FGF18: variants seen among roughly 807,000 people sequenced by gnomAD.
FGF18 encodes fibroblast growth factor 18.
In FGF18, 5 loss-of-function variants were observed where a neutral mutation model predicts 23.0. The observed-to-expected ratio is 0.22, with a 90% confidence interval of 0.11 to 0.46. FGF18 has a LOEUF of 0.46. FGF18 is among the 20% of genes least tolerant of loss of function. The pLI is 0.99. For synonymous variants in FGF18, 117 were observed against 118.9 expected (o/e 0.98, Z 0.10); for missense variants, 180 against 291.6 (o/e 0.62, Z 2.79).
At chr5:171,449,668 C>G (rs1389364721) in intron 4 of FGF18, among the ~76,000 whole-genome samples, 2 of 152,118 alleles carry the variant, frequency 1.3e-5, no homozygotes, top group Non-Finnish European at 2.9e-5. Flanking sequence ...CTGCATCGAT[C>G]GTTTTAACAA....
At position 171,451,505 on chromosome 5, in the gene FGF18, C is replaced by T. The variant is rs879670389; in HGVS notation, c.357+2252C>T. Among the ~76,000 whole-genome samples the T allele has an allele frequency of 6.6e-6, 1 of 152,224 alleles. No individual in the cohort carries two copies. Among genetic ancestry groups the T allele is most frequent in the Non-Finnish European group, 1.5e-5 (1 of 68,030 alleles). On this transcript the variant is annotated intron_variant, in intron 4 of 4. Coordinates refer to ENST00000274625, the MANE Select transcript of FGF18 (RefSeq NM_003862.3). The surrounding 1 kb of genome is among the most constrained non-coding windows in gnomAD (Gnocchi z 4.5). Reference sequence around the variant, plus strand: ...ACCCCTGCCACCGCCTCTGTTCTGGCCTCCTACCATCCCGGAAATCGTTGC... The same window carrying T: ...ACCCCTGCCACCGCCTCTGTTCTGGTCTCCTACCATCCCGGAAATCGTTGC...
chr5:171,427,695 C>T (rs1772116605), intron 2 of FGF18, among the ~76,000 whole-genome samples: 1 of 152,238 alleles, frequency 6.6e-6, no homozygotes, highest in South Asian at 2.1e-4. Context: ...TTGCTGCATA[C>T]CTGGCCCTGG....
intron 2 of FGF18, among the ~76,000 whole-genome samples, chr5:171,433,782 T>C (rs565641920): frequency 9.8e-5 from 15 of 152,334 alleles, no homozygotes; most frequent in Non-Finnish European, 1.9e-4. Flanking sequence ...AGCGTTCTCA[T>C]GGTGCAAGGT....
In FGF18 at chr5:171,420,452, G is replaced by A. The variant is rs1280036979; in HGVS notation, c.69+9G>A. On this transcript the variant is annotated intron_variant, in intron 2 of 4. Transcript: ENST00000274625. ...TGTGCTTCCAGGTACAGGTACGTGG[G>A]CTCCTGACTTTGACCTCCTCCCGCC... 6.2e-7 allele frequency: 1 copy of A among 1,612,346 alleles called. No individual in the cohort carries two copies. Among genetic ancestry groups the A allele is most frequent in the Non-Finnish European group, 8.5e-7 (1 of 1,179,092 alleles).
chr5:171,439,016 C>T (rs1468345706), intron 3 of FGF18, among the ~76,000 whole-genome samples: 1 of 152,118 alleles, frequency 6.6e-6, no homozygotes, highest in Non-Finnish European at 1.5e-5. Context: ...CATGCAGTCT[C>T]AGAGTCTCAG....
At chr5:171,421,294 G>T (rs539812611) in intron 2 of FGF18, among the ~76,000 whole-genome samples, 4 of 152,156 alleles carry the variant, frequency 2.6e-5, no homozygotes. Context: ...CTTCAGCCCC[G>T]ATTAGAACCA....
Position 171,451,016 on chromosome 5 carries a change from CG to C in FGF18, c.357+1768del, listed in dbSNP as rs980254091. Among the ~76,000 whole-genome samples the C allele has an allele frequency of 3.3e-5, 5 of 152,048 alleles. No homozygotes were observed. The highest frequency in any genetic ancestry group is 1.2e-4 in the African/African-American group (5 of 41,438). On this transcript the variant is annotated intron_variant, in intron 4 of 4. Transcript: ENST00000274625. The surrounding 1 kb of genome is among the most constrained non-coding windows in gnomAD (Gnocchi z 4.5). ...GCATCTTGACCCCAGGAGGGCTGCG[CG>C]GGGGTCAAAAGAGCAGCCCCGTCCC...
At chr5:171,425,509 C>T (rs1287760099) in intron 2 of FGF18, among the ~76,000 whole-genome samples, 1 of 149,700 alleles carries the variant, frequency 6.7e-6, no homozygotes, top group Non-Finnish European at 1.5e-5. Flanking sequence ...GCATGAGCCA[C>T]TGCACCTGGC....
chr5:171,445,187 G>C (rs942572718), intron 3 of FGF18, among the ~76,000 whole-genome samples: 9 of 152,260 alleles, frequency 5.9e-5, no homozygotes, highest in African/African-American at 2.2e-4. Context: ...TGTGGTGGGA[G>C]CGTGCTTGGT....
intron 2 of FGF18, among the ~76,000 whole-genome samples, chr5:171,424,100 C>T (rs1325605944): frequency 1.3e-5 from 2 of 152,268 alleles, no homozygotes; most frequent in Admixed American, 1.3e-4. Flanking sequence ...CATCCATCCA[C>T]AGTCAGGTAT....
chr5:171,437,146 G>A (rs2113345559), intron 3 of FGF18, among the ~76,000 whole-genome samples: 1 of 152,330 alleles, frequency 6.6e-6, no homozygotes, highest in South Asian at 2.1e-4. Context: ...CCCCAGCCTT[G>A]GGCCTGGGGA....
chr5:171,433,673 C>T (rs1482522721), intron 2 of FGF18, among the ~76,000 whole-genome samples: 1 of 152,162 alleles, frequency 6.6e-6, no homozygotes, highest in Non-Finnish European at 1.5e-5. Flanking sequence ...ACATGGTGGG[C>T]CAGCAGGCCA....
At chr5:171,455,296 G>A (rs1772566126) in intron 4 of FGF18, among the ~76,000 whole-genome samples, 1 of 152,118 alleles carries the variant, frequency 6.6e-6, no homozygotes, top group East Asian at 1.9e-4. Context: ...TCTTATTTTT[G>A]GAGGCCCCAC....
At position 171,420,045 on chromosome 5, in the gene FGF18, G is replaced by A. The variant is rs1771977157; in HGVS notation, c.-155G>A. ...CGCAGGGCGCGCCGCGGAGCGCCCC[G>A]GAGCAGCAGAGTCTGCAGCAGCAGC... On this transcript the variant is annotated 5_prime_UTR_variant, in exon 1 of 5. Coordinates refer to ENST00000274625, the MANE Select transcript of FGF18 (RefSeq NM_003862.3). 2.2e-6 allele frequency: 1 copy of A among 453,400 alleles called. No individual in the cohort carries two copies. The highest frequency in any genetic ancestry group is 2.1e-5 in the African/African-American group (1 of 47,918). 28.1% of individuals were successfully genotyped at this position (453,400 alleles called of 1,614,324 possible).
At chr5:171,429,488 C>G (rs1033163286) in intron 2 of FGF18, among the ~76,000 whole-genome samples, 10 of 152,214 alleles carry the variant, frequency 6.6e-5, no homozygotes, top group African/African-American at 2.4e-4. Flanking sequence ...GCTGCGTTTT[C>G]AGGTGGAGAG....
chr5:171,433,324 C>T (rs1018516724), intron 2 of FGF18, among the ~76,000 whole-genome samples: 1 of 152,188 alleles, frequency 6.6e-6, no homozygotes, highest in Non-Finnish European at 1.5e-5. Flanking sequence ...GGCAGCTCCC[C>T]TTGGGGACCT....
At chr5:171,445,067 A>G (rs1772399786) in intron 3 of FGF18, among the ~76,000 whole-genome samples, 1 of 152,160 alleles carries the variant, frequency 6.6e-6, no homozygotes, top group Admixed American at 6.5e-5. Flanking sequence ...TGGTCTGGGA[A>G]GGCCTCTCTG....
At position 171,436,113 on chromosome 5, in the gene FGF18, C is replaced by T. The variant is rs755457504; in HGVS notation, c.90C>T (p.Asn30=). 2.2e-5 allele frequency: 34 copies of T among 1,564,646 alleles called. No homozygotes were observed. Among genetic ancestry groups the T allele is most frequent in the African/African-American group, 4.1e-5 (3 of 73,008 alleles). Residue 30 remains asparagine (N), a synonymous_variant, in exon 3 of 5, where the codon AAC becomes AAT. Transcript: ENST00000274625. The surrounding 1 kb of genome is among the most constrained non-coding windows in gnomAD (Gnocchi z 4.4). ...FQVQVLVAEE[N]VDFRIHVENQ... ...CCCAGGTGCTGGTTGCCGAGGAGAA[C>T]GTGGACTTCCGCATCCACGTGGAGA...
intron 2 of FGF18, among the ~76,000 whole-genome samples, chr5:171,425,665 G>T (rs1482248079): frequency 6.6e-6 from 1 of 151,904 alleles, no homozygotes; most frequent in Non-Finnish European, 1.5e-5. Context: ...CGAGTAGCTG[G>T]GACTACAGGC....
Sources: allele counts gnomAD v4.1 joint callset (sites outside exome capture counted in the v4.1 genomes callset), GRCh38; gene constraint gnomAD v4.1.1; non-coding constraint Gnocchi (gnomAD v3.1); transcripts MANE v1.5; gene names NCBI Gene and HGNC (gene_info 2026-07-23, HGNC 2026-07-21).